The following HIPK3 variants were observed in gnomAD, a reference collection of about 807,000 sequenced individuals.
The protein encoded by HIPK3 is homeodomain interacting protein kinase 3, also known as homeodomain-interacting protein kinase 3.
Under a neutral mutation model 124.2 loss-of-function variants are expected in HIPK3, and 47 were observed. That is an observed-to-expected ratio of 0.38 (90% CI 0.30 to 0.48). The LOEUF is 0.48. Ranked by LOEUF, HIPK3 falls within the 20% of genes least tolerant of loss-of-function variation. The pLI is 0.98. For synonymous variants in HIPK3, 482 were observed against 515.2 expected, an observed-to-expected ratio of 0.94 and a Z score of 0.87; for missense variants, 1,286 against 1,454.3, an observed-to-expected ratio of 0.88 and a Z score of 1.88.
intron 1 of HIPK3, among the ~76,000 whole-genome samples, chr11:33,282,017 A>G (rs1391683002): frequency 1.3e-5 from 2 of 152,170 alleles, no homozygotes; most frequent in African/African-American, 4.8e-5. Context: ...TGTATGGTGT[A>G]CTGTTCTTCT....
intron 2 of HIPK3, among the ~76,000 whole-genome samples, chr11:33,307,026 C>T (rs1297078923): frequency 2.0e-5 from 3 of 151,048 alleles, no homozygotes; most frequent in Non-Finnish European, 2.9e-5. Context: ...GCAACCTTGG[C>T]CTTTCCAGTT....
chr11:33,302,342 C>CTTTTTTTTTTTTTTTTTTTT (rs58735030), intron 2 of HIPK3, among the ~76,000 whole-genome samples: 2 of 135,706 alleles, frequency 1.5e-5, no homozygotes, highest in Non-Finnish European at 3.1e-5. Context: ...TTCCTTACTT[C>CTTTTTTTTTTTTTTTTTTTT]TTTTTTTTTT....
Position 33,302,342 on chromosome 11 carries a change from C to CT in HIPK3, c.1097+14845dup, listed in dbSNP as rs58735030. Among the ~76,000 whole-genome samples, 215 of 135,720 alleles carry CT rather than the reference C, an allele frequency of 1.6e-3. 1 individual carries two copies. The highest frequency in any genetic ancestry group is 2.5e-3 in the East Asian group (12 of 4,706). The allele number at this position is 135,720 out of a possible 152,430, so 89.0% of individuals were successfully genotyped here. A position where few individuals can be genotyped will look rare whatever the true frequency, so the allele number is the denominator to read the frequency against. ...ACTTCTCTATGATAATTCCTTACTT[C>CT]TTTTTTTTTTTTTTGAGAAGGAGTC... is the stretch of plus-strand genomic sequence containing the variant. On this transcript the variant is annotated intron_variant, in intron 2 of 16. Coordinates refer to ENST00000303296, the MANE Select transcript of HIPK3 (RefSeq NM_005734.5).
chr11:33,305,743 T>TTTTG, intron 2 of HIPK3, among the ~76,000 whole-genome samples: 1 of 152,352 alleles, frequency 6.6e-6, no homozygotes, highest in South Asian at 2.1e-4. Flanking sequence ...CTGGTGGATT[T>TTTTG]TTTGTTTGTT....
At chr11:33,299,289 T>C (rs1851926620) in intron 2 of HIPK3, among the ~76,000 whole-genome samples, 1 of 151,518 alleles carries the variant, frequency 6.6e-6, no homozygotes, top group African/African-American at 2.4e-5. Context: ...TTGACCAATA[T>C]GGTGAAACCC....
chr11:33,320,578 G>A (rs1378202838), intron 2 of HIPK3, among the ~76,000 whole-genome samples: 1 of 152,184 alleles, frequency 6.6e-6, no homozygotes, highest in Non-Finnish European at 1.5e-5. Flanking sequence ...CCAGATGAGA[G>A]GTGATGGTGG....
chr11:33,323,371 G>A (rs893103194), intron 2 of HIPK3, among the ~76,000 whole-genome samples: 10 of 152,258 alleles, frequency 6.6e-5, no homozygotes, highest in Non-Finnish European at 1.3e-4. Context: ...AGCCTCCCAA[G>A]TAGCCGGGAT....
At chr11:33,308,539 T>C (rs555625922) in intron 2 of HIPK3, among the ~76,000 whole-genome samples, 5 of 152,090 alleles carry the variant, frequency 3.3e-5, no homozygotes, top group South Asian at 2.1e-4. Flanking sequence ...TATGTCCTTT[T>C]CCCCCCTCTG....
chr11:33,306,587 G>C (rs572698969), intron 2 of HIPK3, among the ~76,000 whole-genome samples: 1 of 152,074 alleles, frequency 6.6e-6, no homozygotes, highest in African/African-American at 2.4e-5. Flanking sequence ...TTTTAGTTCT[G>C]CCACTTATTG....
intron 2 of HIPK3, among the ~76,000 whole-genome samples, chr11:33,304,461 G>T (rs1212677688): frequency 2.0e-5 from 3 of 151,978 alleles, no homozygotes; most frequent in African/African-American, 4.8e-5. Context: ...GGAGGTTGAG[G>T]CAAGAGAATT....
intron 2 of HIPK3, among the ~76,000 whole-genome samples, chr11:33,316,156 C>T (rs1381313249): frequency 3.3e-5 from 5 of 152,250 alleles, no homozygotes; most frequent in Middle Eastern, 6.8e-3. Flanking sequence ...TTTGTAGAAG[C>T]GGTTGATCAT....
In HIPK3 at chr11:33,258,744, T is replaced by G. The variant is rs965773045; in HGVS notation, c.-3+855T>G. 3 of 984,838 alleles carry G rather than the reference T, an allele frequency of 3.0e-6. No individual in the cohort carries two copies. In the African/African-American group the frequency reaches 5.2e-5, roughly 17 times the overall value. The allele number at this position is 984,838 out of a possible 1,614,324, so 61.0% of individuals were successfully genotyped here. Reference sequence around the variant, plus strand: ...TCCCGTCTCATCTCTGCTTGAGGAATTGCGCTGAAGAGTGTGTGCGTAAAT... The same window carrying G: ...TCCCGTCTCATCTCTGCTTGAGGAAGTGCGCTGAAGAGTGTGTGCGTAAAT... On this transcript the variant is annotated intron_variant, in intron 1 of 16. Transcript: ENST00000303296.
Position 33,286,391 on chromosome 11 carries a change from CTTTTTTTT to C in HIPK3, c.-2-12_-2-5del, listed in dbSNP as rs34512764. The C allele has an allele frequency of 2.7e-5, 32 of 1,164,600 alleles. No homozygotes were observed. The Admixed American group carries it at 5.1e-4, about 18-fold the overall frequency. 72.1% of individuals were successfully genotyped at this position (1,164,600 alleles called of 1,614,324 possible). A position where few individuals can be genotyped will look rare whatever the true frequency, so the allele number is the denominator to read the frequency against. On this transcript the variant is annotated splice_polypyrimidine_tract_variant and intron_variant, in intron 1 of 16. Coordinates refer to ENST00000303296, the MANE Select transcript of HIPK3 (RefSeq NM_005734.5). ...TTCTTCTTTCCTTTTTTTTCTTTTC[CTTTTTTTT>C]TTTTTTTTTGCAGGTATGGCCTCAC... is the stretch of plus-strand genomic sequence containing the variant.
chr11:33,303,813 A>G (rs1349945744), intron 2 of HIPK3, among the ~76,000 whole-genome samples: 5 of 152,226 alleles, frequency 3.3e-5, no homozygotes, highest in African/African-American at 7.2e-5. Context: ...AGAGAATCTA[A>G]TATGTGCTAA....
At chr11:33,281,315 C>T (rs2133892768) in intron 1 of HIPK3, among the ~76,000 whole-genome samples, 1 of 152,102 alleles carries the variant, frequency 6.6e-6, no homozygotes, top group East Asian at 1.9e-4. Flanking sequence ...TAAGCGTATT[C>T]AAAAGTAGAC....
Position 33,338,848 on chromosome 11 carries a change from G to GT in HIPK3, c.1428+6dup. On this transcript the variant is annotated splice_donor_region_variant and intron_variant, in intron 5 of 16. Coordinates refer to ENST00000303296, the MANE Select transcript of HIPK3 (RefSeq NM_005734.5). ...AGTCTGGATGATGTAGCGCATGTGA[G>GT]TACCATAGCCACATTTGTTCATCTT... 1 of 1,597,838 alleles carries GT rather than the reference G, an allele frequency of 6.3e-7. No individual in the cohort carries two copies. Among genetic ancestry groups the GT allele is most frequent in the Non-Finnish European group, 8.6e-7 (1 of 1,166,712 alleles).
chr11:33,328,710 A>C, intron 3 of HIPK3, 77 bp downstream of exon 3: 1 of 1,356,976 alleles, frequency 7.4e-7, no homozygotes, highest in South Asian at 1.2e-5. Flanking sequence ...ACATGGCTGC[A>C]GGTGTACAAT....
intron 8 of HIPK3, among the ~76,000 whole-genome samples, chr11:33,344,658 A>C (rs998649655): frequency 1.3e-5 from 2 of 152,232 alleles, no homozygotes; most frequent in African/African-American, 4.8e-5. Flanking sequence ...TAACCCATTA[A>C]ATGTCATGAA....
At chr11:33,329,607 T>C (rs1333094556) in intron 3 of HIPK3, among the ~76,000 whole-genome samples, 1 of 152,224 alleles carries the variant, frequency 6.6e-6, no homozygotes, top group African/African-American at 2.4e-5. Context: ...TATCATTGAC[T>C]TTAATCTCTT....
Sources: allele counts gnomAD v4.1 joint callset (sites outside exome capture counted in the v4.1 genomes callset), GRCh38; gene constraint gnomAD v4.1.1; transcripts MANE v1.5; gene names NCBI Gene and HGNC (gene_info 2026-07-23, HGNC 2026-07-21).